The following GAK variants were observed in gnomAD, a reference collection of about 807,000 sequenced individuals.
GAK encodes the protein cyclin-G-associated kinase.
In GAK, 79 loss-of-function variants were observed where a neutral mutation model predicts 143.9. That is an observed-to-expected ratio of 0.55 (90% CI 0.46 to 0.66). GAK has a LOEUF of 0.66. Among genes scored for constraint, GAK ranks in the 30% least tolerant of loss-of-function variants. The pLI is 0.00. For missense variants in GAK, 1,693 were observed against 1,779.7 expected, an observed-to-expected ratio of 0.95 and a Z score of 0.88; for synonymous variants, 881 against 765.5, an observed-to-expected ratio of 1.15 and a Z score of -2.49.
intron 24 of GAK, 103 bp from the exon 25 acceptor site, chr4:852,077 CAAAATAGAA>C: frequency 1.0e-6 from 1 of 972,048 alleles, no homozygotes; most frequent in Non-Finnish European, 1.6e-6. Context: ...CATGCGCTTG[CAAAATAGAA>C]CACCGATCAC....
intron 21 of GAK, among the ~76,000 whole-genome samples, 195 bp from the exon 22 acceptor site, chr4:866,729 G>A (rs568877271): frequency 2.6e-5 from 4 of 152,326 alleles, no homozygotes; most frequent in African/African-American, 9.6e-5. Flanking sequence ...CTTTCCCAGG[G>A]ACACAGCAAC....
intron 11 of GAK, chr4:886,408 A>C (rs1716336615): frequency 6.6e-6 from 1 of 151,960 alleles, no homozygotes; most frequent in Non-Finnish European, 1.5e-5. Flanking sequence ...CACCATCCCC[A>C]CAGCTGCTGG....
At chr4:912,060 C>A in intron 3 of GAK, 1 of 483,888 alleles carries the variant, frequency 2.1e-6, no homozygotes, top group South Asian at 1.5e-5. Flanking sequence ...GTCCATCCCG[C>A]GCGTGGCAGG....
intron 19 of GAK, 142 bp from the exon 20 acceptor site, chr4:868,827 A>G: frequency 1.3e-6 from 1 of 784,446 alleles, no homozygotes; most frequent in Non-Finnish European, 2.0e-6. Flanking sequence ...CAATGACATG[A>G]CGGGGAGGGG....
intron 4 of GAK, among the ~76,000 whole-genome samples, chr4:906,515 C>A (rs930541179): frequency 6.6e-6 from 1 of 152,140 alleles, no homozygotes; most frequent in South Asian, 2.1e-4. Context: ...CTGCCAGTCA[C>A]CCCAGCACCC....
At chr4:891,562 G>A (rs949948966) in intron 9 of GAK, among the ~76,000 whole-genome samples, 4 of 152,064 alleles carry the variant, frequency 2.6e-5, no homozygotes, top group Non-Finnish European at 4.4e-5. Flanking sequence ...CTGTCCCCAC[G>A]GGGTCCCGGC....
intron 27 of GAK, 59 bp from the exon 28 acceptor site, chr4:849,833 G>GGGGGGGGGGC: frequency 6.7e-6 from 8 of 1,190,140 alleles, no homozygotes; most frequent in South Asian, 1.4e-5. Flanking sequence ...GGCGGGGCAG[G>GGGGGGGGGGC]ACCCCCCCCC....
intron 4 of GAK, among the ~76,000 whole-genome samples, chr4:907,922 G>C (rs1392504400): frequency 1.3e-5 from 2 of 152,124 alleles, no homozygotes; most frequent in African/African-American, 4.8e-5. Flanking sequence ...TGAGGGGCTG[G>C]GCCCGGCCCC....
At position 881,945 on chromosome 4, in the gene GAK, C is replaced by T. The variant is rs923591315; in HGVS notation, c.1623G>A (p.Met541Ile). Residue 541 changes from methionine to isoleucine, a missense_variant, in exon 15 of 28, where the codon ATG becomes ATA. Around this residue, in one of 2 missense-constraint regions of GAK, gnomAD observed 871 missense variants for 991.0 expected, o/e 0.88. Coordinates refer to ENST00000314167, the MANE Select transcript of GAK (RefSeq NM_005255.4). ...TAEAAVYMFS[M>I]KRCPPGIWPS... ...GCCAGATGCCTGGTGGGCAGCGCTT[C>T]ATGCTGAACATGTACACGGCGGCCT... 2 of 1,596,792 alleles carry T rather than the reference C, an allele frequency of 1.3e-6. No homozygotes were observed. The highest frequency in any genetic ancestry group is 1.7e-6 in the Non-Finnish European group (2 of 1,171,680).
chr4:895,667 G>A (rs763079184), intron 7 of GAK, among the ~76,000 whole-genome samples: 19 of 152,336 alleles, frequency 1.2e-4, no homozygotes, highest in Middle Eastern at 3.4e-3. Flanking sequence ...GTAAGGGGAC[G>A]TCAAAAGAAC....
intron 1 of GAK, among the ~76,000 whole-genome samples, chr4:919,080 A>G (rs900248343): frequency 4.3e-4 from 61 of 141,510 alleles, no homozygotes; most frequent in African/African-American, 1.5e-3. Flanking sequence ...GACCTTAGAA[A>G]GACAGAAGGC....
intron 18 of GAK, among the ~76,000 whole-genome samples, chr4:876,259 C>A (rs762164340): frequency 3.3e-5 from 5 of 151,446 alleles, no homozygotes; most frequent in Non-Finnish European, 5.9e-5. Flanking sequence ...GCAGCCGCCA[C>A]CCGCTCACCT....
intron 18 of GAK, among the ~76,000 whole-genome samples, chr4:871,561 G>A (rs1208548648): frequency 6.6e-6 from 1 of 152,254 alleles, no homozygotes; most frequent in Non-Finnish European, 1.5e-5. Context: ...TGTTCACTGT[G>A]GGGCTGGGGA....
rs115954749 is a variant in GAK, at chr4:868,996, C to A, written c.2249-311G>T. On this transcript the variant is annotated intron_variant, in intron 19 of 27. Transcript: ENST00000314167. ...GGTACACATGAATGCACACACACAG[C>A]TGCACGGTACACACGAATGCATAGA... The A allele has an allele frequency of 5.1e-4, 189 of 372,124 alleles. 1 individual carries two copies. The highest frequency in any genetic ancestry group is 3.2e-3 in the African/African-American group (155 of 48,314). 23.1% of individuals were successfully genotyped at this position (372,124 alleles called of 1,614,324 possible). A position where few individuals can be genotyped will look rare whatever the true frequency, so the allele number is the denominator to read the frequency against.
intron 1 of GAK, among the ~76,000 whole-genome samples, chr4:914,436 G>A (rs1457432654): frequency 3.5e-4 from 23 of 65,126 alleles, no homozygotes; most frequent in South Asian, 7.0e-4. Context: ...GCCCCAGCGT[G>A]CACGGCCCCC....
Position 924,835 on chromosome 4 carries a change from G to A in GAK, c.145+7208C>T, listed in dbSNP as rs202080882. Among the ~76,000 whole-genome samples the A allele has an allele frequency of 4.8e-3, 456 of 94,058 alleles. 10 individuals carry two copies. The highest frequency in any genetic ancestry group is 7.3e-3 in the Non-Finnish European group (319 of 43,496). The allele number at this position is 94,058 out of a possible 152,430, so 61.7% of individuals were successfully genotyped here. On this transcript the variant is annotated intron_variant, in intron 1 of 27. Coordinates refer to ENST00000314167, the MANE Select transcript of GAK (RefSeq NM_005255.4). ...TGGGTCGTGGGGGTGGAGTTCCCCC[G>A]GGGGGCTGCTCTCAGGATAGTGAGT...
In GAK at chr4:893,907, C is replaced by T. The variant is rs779612442; in HGVS notation, c.844G>A (p.Asp282Asn). The T allele has an allele frequency of 4.1e-5, 66 of 1,610,442 alleles. No homozygotes were observed. Among genetic ancestry groups the T allele is most frequent in the East Asian group, 6.7e-5 (3 of 44,866 alleles). Residue 282 changes from aspartate to asparagine, a missense_variant, in exon 8 of 28, where the codon GAC becomes AAC. This residue lies in a region of GAK where 871 missense variants were observed against 991.0 expected (regional missense o/e 0.88). Coordinates refer to ENST00000314167, the MANE Select transcript of GAK (RefSeq NM_005255.4). ...VNGKYSIPPH[D>N]TQYTVFHSLI... ...CTGTGGAAGACCGTGTACTGCGTGT[C>T]GTGCGGGGGGATCGAGTACTTCCCA...
At chr4:871,248 A>G (rs2152767114) in intron 18 of GAK, among the ~76,000 whole-genome samples, 1 of 152,350 alleles carries the variant, frequency 6.6e-6, no homozygotes, top group Non-Finnish European at 1.5e-5. Context: ...AGGGGAGGCC[A>G]CGTGCTCAGA....
chr4:850,119 C>T (rs1214506680), intron 26 of GAK, 51 bp from the exon 27 acceptor site: 5 of 1,491,300 alleles, frequency 3.4e-6, no homozygotes, highest in Admixed American at 4.3e-5. Context: ...CTGCCCTCCT[C>T]CTCTGCACCG....
Sources: allele counts gnomAD v4.1 joint callset (sites outside exome capture counted in the v4.1 genomes callset), GRCh38; gene constraint gnomAD v4.1.1; regional missense constraint gnomAD v4.1.1; transcripts MANE v1.5; gene names NCBI Gene and HGNC (gene_info 2026-07-23, HGNC 2026-07-21).